MED14: variants seen among roughly 807,000 people sequenced by gnomAD.
The protein encoded by MED14 is mediator of RNA polymerase II transcription subunit 14.
Under a neutral mutation model 109.0 loss-of-function variants are expected in MED14, and 8 were observed. That is an observed-to-expected ratio of 0.07 (90% CI 0.04 to 0.13). The LOEUF is 0.13. Ranked by LOEUF, MED14 falls within the 10% of genes least tolerant of loss-of-function variation. The probability of loss-of-function intolerance (pLI) is 1.00; values close to 1 mark genes in which losing one functional copy is unlikely to be tolerated. For synonymous variants in MED14, 399 were observed against 408.7 expected (o/e 0.98, Z 0.29); for missense variants, 711 against 1,142.4 (o/e 0.62, Z 5.44).
intron 13 of MED14, among the ~76,000 whole-genome samples, chrX:40,693,980 C>A (rs1930633165): frequency 1.8e-5 from 2 of 111,089 alleles, no homozygotes; most frequent in Admixed American, 1.9e-4. Context: ...TCACTGCAAC[C>A]TCCGCCTCCC....
At chrX:40,673,484 G>A (rs1929796706) in intron 22 of MED14, among the ~76,000 whole-genome samples, 1 of 111,865 alleles carries the variant, frequency 8.9e-6, no homozygotes, top group South Asian at 3.7e-4. Flanking sequence ...GAAATCTCAT[G>A]TTCAGTATGA....
In MED14 at chrX:40,666,503, C is replaced by T. The variant is rs1217677454; in HGVS notation, c.3265+217G>A. Among the ~76,000 whole-genome samples the T allele has an allele frequency of 3.6e-5, 4 of 110,711 alleles. No homozygotes were observed. The East Asian group carries it at 1.1e-3, about 31-fold the overall frequency. On this transcript the variant is annotated intron_variant, in intron 24 of 30. Transcript: ENST00000324817. Reference sequence around the variant, plus strand: ...TGACAGGAAGGGCAAGGCAGAGCAACGGAGACAGCAAGGGAGAGTCCAAGG... The same window carrying T: ...TGACAGGAAGGGCAAGGCAGAGCAATGGAGACAGCAAGGGAGAGTCCAAGG...
chrX:40,650,946 ATCC>A lies in MED14; in HGVS notation c.*857_*859del. The stretch of plus-strand genomic sequence containing the variant: ...ATTTTCCTGACAGAAAAGTTCCCAC[ATCC>A]TCAACAGATGAGAATGATTGCATTA... On this transcript the variant is annotated 3_prime_UTR_variant, in exon 31 of 31. Transcript: ENST00000324817. 1.3e-6 allele frequency: 1 copy of A among 753,704 alleles called. No individual in the cohort carries two copies. Among genetic ancestry groups the A allele is most frequent in the Non-Finnish European group, 1.6e-6 (1 of 638,760 alleles). The allele number at this position is 753,704 out of a possible 1,213,427, so 62.1% of individuals were successfully genotyped here.
At chrX:40,687,165 C>T (rs748760060) in intron 16 of MED14, among the ~76,000 whole-genome samples, 3 of 111,889 alleles carry the variant, frequency 2.7e-5, no homozygotes, top group Non-Finnish European at 3.8e-5. Flanking sequence ...TTCAAACTCA[C>T]ATCTTTGGTG....
At chrX:40,655,795 C>A (rs1929034565) in intron 28 of MED14, among the ~76,000 whole-genome samples, 1 of 111,628 alleles carries the variant, frequency 9.0e-6, no homozygotes, top group Non-Finnish European at 1.9e-5. Context: ...AGCAAAAGAA[C>A]ACTGTTGCCC....
Position 40,649,636 on chromosome X carries a change from A to G in MED14, c.*2170T>C. 2.1e-6 allele frequency: 2 copies of G among 944,829 alleles called. No individual in the cohort carries two copies. Among genetic ancestry groups the G allele is most frequent in the South Asian group, 2.3e-5 (1 of 43,996 alleles). 77.9% of individuals were successfully genotyped at this position (944,829 alleles called of 1,213,427 possible). The stretch of plus-strand genomic sequence containing the variant: ...AGTTAAGTCCCAACCCGATTATTAG[A>G]GAAAATCACTTGGGCATCCAGTCCC... On this transcript the variant is annotated 3_prime_UTR_variant, in exon 31 of 31. Coordinates refer to ENST00000324817, the MANE Select transcript of MED14 (RefSeq NM_004229.4).
Position 40,648,550 on chromosome X carries a change from T to C in MED14, c.*3256A>G, listed in dbSNP as rs1457170482. ...TTCTCTGGGCCTCCATTTACTCATTTTTAAGAAGAGGATATCAATAACCTA... is the reference window on the plus strand; with the variant it reads ...TTCTCTGGGCCTCCATTTACTCATTCTTAAGAAGAGGATATCAATAACCTA... On this transcript the variant is annotated 3_prime_UTR_variant, in exon 31 of 31. Transcript: ENST00000324817. 8.9e-6 allele frequency: 1 copy of C among 112,388 alleles called. No homozygotes were observed. The highest frequency in any genetic ancestry group is 1.9e-5 in the Non-Finnish European group (1 of 53,274). The allele number at this position is 112,388 out of a possible 1,213,427, so 9.3% of individuals were successfully genotyped here.
At chrX:40,710,347 CAT>C (rs1217029349) in intron 8 of MED14, among the ~76,000 whole-genome samples, 1 of 111,762 alleles carries the variant, frequency 8.9e-6, no homozygotes, top group Non-Finnish European at 1.9e-5. Flanking sequence ...AAAAATAAAA[CAT>C]ATGCACACAT....
At chrX:40,671,109 G>T (rs908973149) in intron 23 of MED14, among the ~76,000 whole-genome samples, 5 of 111,401 alleles carry the variant, frequency 4.5e-5, no homozygotes, top group Non-Finnish European at 9.4e-5. Flanking sequence ...TTATGCTCTG[G>T]AAATATTACT....
At chrX:40,729,438 T>C in intron 1 of MED14, 93 bp from the exon 2 acceptor site, 1 of 902,429 alleles carries the variant, frequency 1.1e-6, no homozygotes, top group Non-Finnish European at 1.5e-6. Flanking sequence ...AATACGTTAA[T>C]GTTTCAGAAA....
intron 6 of MED14, among the ~76,000 whole-genome samples, chrX:40,712,534 A>C (rs918701432): frequency 1.4e-4 from 16 of 111,040 alleles, no homozygotes; most frequent in African/African-American, 5.2e-4. Flanking sequence ...ATTTTGCAGG[A>C]ATATATATAT....
At chrX:40,733,018 C>G (rs965686771) in intron 1 of MED14, among the ~76,000 whole-genome samples, 1 of 111,082 alleles carries the variant, frequency 9.0e-6, no homozygotes, top group African/African-American at 3.3e-5. Flanking sequence ...GCCTCTTGTT[C>G]TGACATTATT....
chrX:40,692,651 G>T, intron 14 of MED14, 57 bp downstream of exon 14: 1 of 1,094,981 alleles, frequency 9.1e-7, no homozygotes, highest in Non-Finnish European at 1.2e-6. Context: ...AATGAGTAAA[G>T]AACACAACCA....
intron 12 of MED14, 118 bp downstream of exon 12, chrX:40,701,047 A>C (rs1229403734): frequency 1.1e-5 from 5 of 449,298 alleles, no homozygotes; most frequent in Non-Finnish European, 1.9e-5. Context: ...AACGGCACTT[A>C]AGTTTCATGT....
chrX:40,661,400 T>C (rs1456933212), intron 26 of MED14, among the ~76,000 whole-genome samples: 1 of 106,786 alleles, frequency 9.4e-6, no homozygotes, highest in Admixed American at 9.8e-5. Context: ...TCAGTAGAGA[T>C]AGGGTGTCGC....
intron 16 of MED14, among the ~76,000 whole-genome samples, chrX:40,688,152 G>A (rs1311157462): frequency 9.0e-6 from 1 of 111,678 alleles, no homozygotes; most frequent in Non-Finnish European, 1.9e-5. Context: ...AGGAGGCAGA[G>A]GTTGGGAGGC....
intron 16 of MED14, among the ~76,000 whole-genome samples, chrX:40,684,095 C>T (rs186859315): frequency 8.9e-6 from 1 of 111,749 alleles, no homozygotes; most frequent in Non-Finnish European, 1.9e-5. Flanking sequence ...AAAAAAACAA[C>T]AAATATAATT....
chrX:40,692,791 G>T lies in MED14; in HGVS notation c.1762C>A (p.Leu588Met). 1 of 1,209,411 alleles carries T rather than the reference G, an allele frequency of 8.3e-7. No individual in the cohort carries two copies. The highest frequency in any genetic ancestry group is 1.1e-6 in the Non-Finnish European group (1 of 894,637). Reference sequence around the variant, plus strand: ...TGAATGTTTTCCTTGAACTGCTGCAGCAGCAATGCCATTGCAGGGCTGTCT... The same window carrying T: ...TGAATGTTTTCCTTGAACTGCTGCATCAGCAATGCCATTGCAGGGCTGTCT... The part of the protein sequence containing the change: ...REDSPAMALL[L>M]QQFKENIQDL... The change falls in exon 14 of 31, where the codon CTG becomes ATG. Residue 588 changes from leucine (L) to methionine (M), a missense_variant. By Grantham distance (15) the Leu-to-Met change is conservative. Coordinates refer to ENST00000324817, the MANE Select transcript of MED14 (RefSeq NM_004229.4).
intron 22 of MED14, among the ~76,000 whole-genome samples, chrX:40,673,642 T>A (rs1385287393): frequency 9.2e-6 from 1 of 109,193 alleles, no homozygotes; most frequent in Non-Finnish European, 1.9e-5. Context: ...AGGTCGGGAG[T>A]TCGAGATCAG....
Sources: allele counts gnomAD v4.1 joint callset (sites outside exome capture counted in the v4.1 genomes callset), GRCh38; gene constraint gnomAD v4.1.1; transcripts MANE v1.5; gene names NCBI Gene and HGNC (gene_info 2026-07-23, HGNC 2026-07-21).